The following PPFIA2 variants were observed in gnomAD, a reference collection of about 807,000 sequenced individuals.
The protein encoded by PPFIA2 is liprin-alpha-2.
Under a neutral mutation model 175.5 loss-of-function variants are expected in PPFIA2, and 46 were observed. The observed-to-expected ratio is 0.26, with a 90% CI of 0.21 to 0.34. PPFIA2 has a LOEUF of 0.34. Ranked by LOEUF, PPFIA2 falls within the 10% of genes least tolerant of loss-of-function variation. PPFIA2 has a pLI of 1.00. For missense variants in PPFIA2, 1,179 were observed against 1,506.1 expected (o/e 0.78, Z 3.60); for synonymous variants, 568 against 511.4 (o/e 1.11, Z -1.49).
chr12:81,536,745 CATAT>C (rs3075445), intron 4 of PPFIA2, among the ~76,000 whole-genome samples: 2,666 of 136,654 alleles, frequency 0.02, 89 homozygotes, highest in African/African-American at 0.065. Flanking sequence ...TATACATAAA[CATAT>C]ATATATATAT....
intron 24 of PPFIA2, among the ~76,000 whole-genome samples, chr12:81,294,279 C>T (rs1268146987): frequency 7.9e-5 from 12 of 151,876 alleles, no homozygotes; most frequent in Non-Finnish European, 4.4e-5. Flanking sequence ...ACATGTACCC[C>T]CTGAATCTAT....
intron 4 of PPFIA2, chr12:81,505,546 G>A (rs2061064658): frequency 6.6e-6 from 1 of 152,114 alleles, no homozygotes; most frequent in Non-Finnish European, 1.5e-5. Context: ...ATGCAGCTCT[G>A]GAGCAATGTC....
intron 4 of PPFIA2, among the ~76,000 whole-genome samples, chr12:81,651,768 T>C (rs1401702226): frequency 6.6e-6 from 1 of 152,164 alleles, no homozygotes; most frequent in Non-Finnish European, 1.5e-5. Context: ...AGTGATAAAA[T>C]TGGAATTAAA....
In PPFIA2 at chr12:81,261,949, A is replaced by G. The variant is rs2035720188; in HGVS notation, c.*33T>C. 2 of 1,576,582 alleles carry G rather than the reference A, an allele frequency of 1.3e-6. No homozygotes were observed. The highest frequency in any genetic ancestry group is 1.7e-6 in the Non-Finnish European group (2 of 1,156,980). Reference sequence around the variant, plus strand: ...TGTCAGCCAAAGGGAAACTACTCACAGCAGGTCAGTGCTGCCTCCTTTGAG... The same window carrying G: ...TGTCAGCCAAAGGGAAACTACTCACGGCAGGTCAGTGCTGCCTCCTTTGAG... On this transcript the variant is annotated splice_region_variant and 3_prime_UTR_variant, in exon 32 of 33. Coordinates refer to ENST00000549396, the MANE Select transcript of PPFIA2 (RefSeq NM_003625.5).
intron 4 of PPFIA2, among the ~76,000 whole-genome samples, chr12:81,531,999 A>T (rs538990305): frequency 6.6e-6 from 1 of 151,866 alleles, no homozygotes; most frequent in Admixed American, 6.6e-5. Context: ...GAGCTGCTCA[A>T]TTCCTAAAAG....
chr12:81,658,574 G>A (rs1270233384), intron 4 of PPFIA2, among the ~76,000 whole-genome samples: 2 of 151,970 alleles, frequency 1.3e-5, no homozygotes, highest in African/African-American at 2.4e-5. Flanking sequence ...GATGAGAACA[G>A]TCTAATTAGA....
intron 2 of PPFIA2, among the ~76,000 whole-genome samples, chr12:81,755,539 A>G (rs1433288934): frequency 6.6e-6 from 1 of 152,182 alleles, no homozygotes; most frequent in Non-Finnish European, 1.5e-5. Flanking sequence ...TTAACAGCTC[A>G]ATATTTAATT....
intron 8 of PPFIA2, among the ~76,000 whole-genome samples, chr12:81,401,435 G>A (rs1414685104): frequency 2.0e-5 from 3 of 152,138 alleles, no homozygotes; most frequent in Admixed American, 6.5e-5. Flanking sequence ...GGCAGAGACA[G>A]GAACTTCAAA....
In PPFIA2 at chr12:81,450,550, G is replaced by A. The variant is rs139414940; in HGVS notation, c.406-4830C>T. ...GATTCTGGATATTAGCCCTTTGTCA[G>A]ATGAGTAGGTTGCAAAAATTTTCTC... On this transcript the variant is annotated intron_variant, in intron 5 of 32. Transcript: ENST00000549396. 2.3e-3 allele frequency among the ~76,000 whole-genome samples: 348 copies of A among 152,240 alleles called. 5 individuals are homozygous for A. The East Asian group carries it at 0.028, about 12-fold the overall frequency.
intron 24 of PPFIA2, among the ~76,000 whole-genome samples, chr12:81,285,046 AT>A (rs538799139): frequency 7.2e-5 from 11 of 151,986 alleles, no homozygotes; most frequent in Admixed American, 2.6e-4. Flanking sequence ...GTGTAAAATA[AT>A]TTTTTTTCTC....
At chr12:81,287,532 T>C (rs1051639713) in intron 24 of PPFIA2, among the ~76,000 whole-genome samples, 1 of 151,958 alleles carries the variant, frequency 6.6e-6, no homozygotes, top group Admixed American at 6.6e-5. Context: ...GCAGTTTTAC[T>C]TGTGAAGACC....
intron 4 of PPFIA2, among the ~76,000 whole-genome samples, chr12:81,578,079 G>A (rs1482768098): frequency 6.6e-6 from 1 of 151,692 alleles, no homozygotes; most frequent in Non-Finnish European, 1.5e-5. Context: ...GCTGGCTATG[G>A]GCTGGAGGCC....
chr12:81,457,142 C>A (rs907449983), intron 5 of PPFIA2, among the ~76,000 whole-genome samples: 2 of 151,912 alleles, frequency 1.3e-5, no homozygotes, highest in Non-Finnish European at 2.9e-5. Context: ...TGCCACCAAG[C>A]CTGGCTGACT....
intron 4 of PPFIA2, among the ~76,000 whole-genome samples, chr12:81,466,123 C>A (rs1247321859): frequency 6.6e-6 from 1 of 152,038 alleles, no homozygotes; most frequent in Non-Finnish European, 1.5e-5. Flanking sequence ...GTGACAGGCA[C>A]AACTGGACTC....
At chr12:81,606,190 T>C (rs1595539686) in intron 4 of PPFIA2, among the ~76,000 whole-genome samples, 1 of 152,040 alleles carries the variant, frequency 6.6e-6, no homozygotes, top group Non-Finnish European at 1.5e-5. Context: ...ACAGTGTATA[T>C]GGAGCACATT....
intron 30 of PPFIA2, among the ~76,000 whole-genome samples, chr12:81,266,236 A>G (rs2037214310): frequency 6.6e-6 from 1 of 152,130 alleles, no homozygotes; most frequent in Non-Finnish European, 1.5e-5. Context: ...TTTATTTTCT[A>G]TTTCATGCTC....
intron 4 of PPFIA2, among the ~76,000 whole-genome samples, chr12:81,560,018 G>T (rs2069690216): frequency 6.6e-6 from 1 of 152,102 alleles, no homozygotes; most frequent in Non-Finnish European, 1.5e-5. Flanking sequence ...AACAGACACT[G>T]AAGAGCTATG....
At chr12:81,738,821 A>T (rs1188399294) in intron 3 of PPFIA2, among the ~76,000 whole-genome samples, 1 of 151,992 alleles carries the variant, frequency 6.6e-6, no homozygotes, top group Non-Finnish European at 1.5e-5. Flanking sequence ...AAAATTCAGA[A>T]ATTGTTTATT....
intron 28 of PPFIA2, among the ~76,000 whole-genome samples, chr12:81,273,360 G>A (rs2039653814): frequency 6.6e-6 from 1 of 152,030 alleles, no homozygotes; most frequent in Non-Finnish European, 1.5e-5. Context: ...GTTAGATAGA[G>A]GAAAAACAGA....
Sources: allele counts gnomAD v4.1 joint callset (sites outside exome capture counted in the v4.1 genomes callset), GRCh38; gene constraint gnomAD v4.1.1; transcripts MANE v1.5; gene names NCBI Gene and HGNC (gene_info 2026-07-23, HGNC 2026-07-21).